The following BRD8 variants were observed in gnomAD, a reference collection of about 807,000 sequenced individuals.
The protein encoded by BRD8 is bromodomain-containing protein 8.
BRD8 carries 67 observed loss-of-function variants against 143.1 expected under a neutral mutation model. The ratio of observed to expected loss-of-function variants is 0.47; its 90% confidence interval spans 0.38 to 0.57. The LOEUF (loss-of-function observed/expected upper bound fraction) is 0.57, where lower values mean the gene tolerates loss of function less well. Ranked by LOEUF, BRD8 falls within the 20% of genes least tolerant of loss-of-function variation. The pLI is 0.00. For missense variants in BRD8, 1,103 were observed against 1,503.0 expected (o/e 0.73, Z 4.40); for synonymous variants, 505 against 517.1 (o/e 0.98, Z 0.32).
At chr5:138,158,935 G>A (rs559294200) in intron 20 of BRD8, among the ~76,000 whole-genome samples, 3 of 151,872 alleles carry the variant, frequency 2.0e-5, no homozygotes, top group African/African-American at 7.2e-5. Flanking sequence ...TGCACAGCTA[G>A]TAGGGTTTTT....
chr5:138,168,052 A>C lies in BRD8; in HGVS notation c.669T>G (p.Ala223=), dbSNP rs1439698017. The change falls in exon 9 of 27, where the codon GCT becomes GCG. Residue 223 remains alanine, a synonymous_variant. Coordinates refer to ENST00000254900, the MANE Select transcript of BRD8 (RefSeq NM_139199.2). ...SGVNESEMAV[A]SGHLNSTGVL... is the part of the protein sequence containing the mutation. ...CACCTGTACTGTTCAGGTGGCCAGA[A>C]GCCACAGCCATTTCACTCTCATTGA... 6.2e-7 allele frequency: 1 copy of C among 1,613,428 alleles called. No individual in the cohort carries two copies. Among genetic ancestry groups the C allele is most frequent in the Non-Finnish European group, 8.5e-7 (1 of 1,179,580 alleles).
At position 138,170,999 on chromosome 5, in the gene BRD8, T is replaced by C. The variant is rs368652680; in HGVS notation, c.359+39A>G. 20 of 1,611,970 alleles carry C rather than the reference T, an allele frequency of 1.2e-5. 1 individual carries two copies. Among genetic ancestry groups the C allele is most frequent in the Non-Finnish European group, 1.6e-5 (19 of 1,179,144 alleles). Reference sequence around the variant, plus strand: ...ACCAGTACCAGAAGACAGTCCCTTATGTCTTTCTCAATTTTTTGGCATTCT... The same window carrying C: ...ACCAGTACCAGAAGACAGTCCCTTACGTCTTTCTCAATTTTTTGGCATTCT... On this transcript the variant is annotated intron_variant, in intron 5 of 26. Transcript: ENST00000254900.
chr5:138,167,658 T>A, intron 9 of BRD8: 1 of 334,370 alleles, frequency 3.0e-6, no homozygotes, highest in South Asian at 3.6e-5. Context: ...ATCTTAGGTA[T>A]CTCTAGCACC....
At chr5:138,168,209 C>A in intron 8 of BRD8, 131 bp from the exon 9 acceptor site, 1 of 720,726 alleles carries the variant, frequency 1.4e-6, no homozygotes, top group South Asian at 1.8e-5. Context: ...AATTTAAGAC[C>A]CAAGGGAAAC....
chr5:138,171,245 A>C (rs1036249425), intron 4 of BRD8, 85 bp from the exon 5 acceptor site: 1 of 1,432,478 alleles, frequency 7.0e-7, no homozygotes, highest in Non-Finnish European at 9.7e-7. Flanking sequence ...ACTTAATCAT[A>C]GATAACTTCT....
intron 25 of BRD8, among the ~76,000 whole-genome samples, chr5:138,141,419 C>T (rs569658138): frequency 2.1e-4 from 32 of 152,232 alleles, no homozygotes; most frequent in Admixed American, 1.5e-3. Flanking sequence ...TGTGAGCCAC[C>T]GCCCCCGGCC....
intron 23 of BRD8, among the ~76,000 whole-genome samples, chr5:138,147,526 T>C (rs1229562089): frequency 6.6e-6 from 1 of 152,088 alleles, no homozygotes; most frequent in Admixed American, 6.6e-5. Context: ...AAAAATAACT[T>C]TGCTGGACGT....
At position 138,145,818 on chromosome 5, in the gene BRD8, C is replaced by T; in HGVS notation, c.3339G>A (p.Leu1113=). ...GACTGGCAATCATCTTCCAGACTGGCAGGAGAGTCTTCTTAAATAGCAAAT... is the reference window on the plus strand; with the variant it reads ...GACTGGCAATCATCTTCCAGACTGGTAGGAGAGTCTTCTTAAATAGCAAAT... ...QDHLLFKKTL[L]PVWKMIASHR... is the part of the protein sequence containing the mutation. The change falls in exon 24 of 27, where the codon CTG becomes CTA. Residue 1113 remains leucine, a synonymous_variant. Transcript: ENST00000254900. The T allele has an allele frequency of 6.2e-7, 1 of 1,614,036 alleles. No individual in the cohort carries two copies. Among genetic ancestry groups the T allele is most frequent in the South Asian group, 1.1e-5 (1 of 91,084 alleles).
Position 138,141,474 on chromosome 5 carries a change from G to C in BRD8, c.3438-592C>G, listed in dbSNP as rs534781430. ...GATGAAGAAATTGAAATCTAAAGAGGTTAAGTACTCACTGAAAGGCACACA... is the reference window on the plus strand; with the variant it reads ...GATGAAGAAATTGAAATCTAAAGAGCTTAAGTACTCACTGAAAGGCACACA... On this transcript the variant is annotated intron_variant, in intron 25 of 26. Coordinates refer to ENST00000254900, the MANE Select transcript of BRD8 (RefSeq NM_139199.2). Among the ~76,000 whole-genome samples, 5 of 152,214 alleles carry C rather than the reference G, an allele frequency of 3.3e-5. No homozygotes were observed. In the East Asian group the frequency reaches 9.7e-4, roughly 29 times the overall value.
At chr5:138,172,610 T>C in intron 2 of BRD8, 1 of 252,836 alleles carries the variant, frequency 4.0e-6, no homozygotes, top group South Asian at 2.7e-5. Flanking sequence ...GAGGCAGAGG[T>C]GGGAGGACAG....
intron 25 of BRD8, among the ~76,000 whole-genome samples, chr5:138,142,623 C>T (rs1468277230): frequency 2.6e-5 from 4 of 151,694 alleles, no homozygotes; most frequent in South Asian, 2.1e-4. Context: ...ATTAGCTGGG[C>T]GTGGTGACGT....
intron 16 of BRD8, 94 bp from the exon 17 acceptor site, chr5:138,161,958 C>A: frequency 6.4e-7 from 1 of 1,555,480 alleles, no homozygotes. Flanking sequence ...AGAACTAATA[C>A]CAGCAGTTCC....
intron 20 of BRD8, chr5:138,157,534 A>G (rs1357023376): frequency 8.2e-6 from 4 of 485,408 alleles, no homozygotes; most frequent in African/African-American, 5.9e-5. Flanking sequence ...CAGAATAACT[A>G]TTAGTCATCC....
Position 138,140,727 on chromosome 5 carries a change from T to C in BRD8, c.3593A>G (p.Gln1198Arg), listed in dbSNP as rs412051. ...HVYHMAVEMR[Q>R]EVLEQIQVLN... ...TACCTGAATCTGCTCCAGGACTTCTTGCCGCATCTCCACAGCCATATGGTA... is the reference window on the plus strand; with the variant it reads ...TACCTGAATCTGCTCCAGGACTTCTCGCCGCATCTCCACAGCCATATGGTA... Residue 1198 changes from glutamine (Q) to arginine (R), a missense_variant, in exon 26 of 27, where the codon CAA becomes CGA. Around this residue, in one of 7 missense-constraint regions of BRD8, gnomAD observed 369 missense variants for 445.5 expected, o/e 0.83. Transcript: ENST00000254900. The C allele has an allele frequency of 1, 1,608,736 of 1,614,140 alleles. 801,838 individuals are homozygous for C. The highest frequency in any genetic ancestry group is 1 in the East Asian group (44,884 of 44,884).
intron 23 of BRD8, among the ~76,000 whole-genome samples, chr5:138,148,190 G>GA (rs915537579): frequency 9.5e-5 from 14 of 146,934 alleles, no homozygotes; most frequent in Non-Finnish European, 1.2e-4. Flanking sequence ...AAAAAAAAGG[G>GA]AAAAAAAAAG....
intron 23 of BRD8, among the ~76,000 whole-genome samples, chr5:138,148,882 T>C (rs1386807968): frequency 6.6e-6 from 1 of 151,600 alleles, no homozygotes; most frequent in Non-Finnish European, 1.5e-5. Context: ...CTGGGCAATA[T>C]AGCAAGGCCA....
chr5:138,149,529 G>C (rs1752296783), intron 23 of BRD8, 111 bp downstream of exon 23: 6 of 945,492 alleles, frequency 6.3e-6, no homozygotes, highest in Non-Finnish European at 8.9e-6. Context: ...TATTTTTTGT[G>C]TTTTCCAACT....
chr5:138,166,736 TAA>T lies in BRD8; in HGVS notation c.788-11_788-10del. On this transcript the variant is annotated splice_polypyrimidine_tract_variant and intron_variant, in intron 9 of 26. Coordinates refer to ENST00000254900, the MANE Select transcript of BRD8 (RefSeq NM_139199.2). The stretch of plus-strand genomic sequence containing the variant: ...GGAAAGAGTGGGAGCACCTAACATA[TAA>T]AGAGGTACACAAAATGAAGTAAGAA... 6.5e-7 allele frequency: 1 copy of T among 1,540,850 alleles called. No homozygotes were observed. The highest frequency in any genetic ancestry group is 9.0e-7 in the Non-Finnish European group (1 of 1,114,890).
chr5:138,147,936 T>C (rs1752219606), intron 23 of BRD8, among the ~76,000 whole-genome samples: 1 of 149,144 alleles, frequency 6.7e-6, no homozygotes, highest in Admixed American at 6.6e-5. Flanking sequence ...AGATCCTATC[T>C]CAAAAAAAAA....
Sources: gnomAD v4.1 joint callset for allele counts (sites outside exome capture counted in the v4.1 genomes callset) on GRCh38, gnomAD v4.1.1 for gene constraint, gnomAD v4.1.1 regional missense constraint, MANE v1.5 for transcripts, NCBI Gene and HGNC (gene_info 2026-07-23, HGNC 2026-07-21) for gene names.